Variants in PODXL observed in about 807,000 individuals in gnomAD.
PODXL encodes podocalyxin.
In PODXL, 20 loss-of-function variants were observed where a neutral mutation model predicts 48.9. The observed-to-expected ratio is 0.41, with a 90% confidence interval of 0.29 to 0.59. PODXL has a LOEUF of 0.59. Ranked by LOEUF, PODXL falls within the 20% of genes least tolerant of loss-of-function variation. PODXL has a pLI of 0.31. For missense variants in PODXL, 606 were observed against 675.1 expected (o/e 0.90, Z 1.13); for synonymous variants, 295 against 287.4 (o/e 1.03, Z -0.27).
intron 6 of PODXL, 53 bp from the exon 7 acceptor site, chr7:131,506,374 G>A (rs2116778629): frequency 1.3e-6 from 2 of 1,584,802 alleles, no homozygotes; most frequent in South Asian, 1.1e-5. Flanking sequence ...GAGGCAGTGG[G>A]GGACGGGGAC....
At chr7:131,550,381 G>A (rs954624790) in intron 1 of PODXL, among the ~76,000 whole-genome samples, 4 of 152,184 alleles carry the variant, frequency 2.6e-5, no homozygotes, top group Admixed American at 1.3e-4. Flanking sequence ...TTTTCGCCAG[G>A]CATGATGGCT....
intron 1 of PODXL, among the ~76,000 whole-genome samples, chr7:131,529,961 G>A (rs957446888): frequency 9.3e-5 from 4 of 42,808 alleles, no homozygotes; most frequent in African/African-American, 1.6e-4. Flanking sequence ...GGGAGGGCTT[G>A]CGCTGGGCCT....
chr7:131,524,389 G>C lies in PODXL; in HGVS notation c.101-12956C>G, dbSNP rs1022729615. 1.7e-3 allele frequency among the ~76,000 whole-genome samples: 232 copies of C among 137,412 alleles called. 2 individuals carry two copies. Among genetic ancestry groups the C allele is most frequent in the Admixed American group, 6.3e-3 (90 of 14,212 alleles). 90.1% of individuals were successfully genotyped at this position (137,412 alleles called of 152,430 possible). ...ACACACACACACACACAGAGAGAGA[G>C]AGAGAGAGAGAGAGAGAGAAAACAA... is the stretch of plus-strand genomic sequence containing the variant. On this transcript the variant is annotated intron_variant, in intron 1 of 8. Coordinates refer to ENST00000378555, the MANE Select transcript of PODXL (RefSeq NM_001018111.3).
Position 131,516,930 on chromosome 7 carries a change from G to C in PODXL, c.101-5497C>G, listed in dbSNP as rs534051584. Among the ~76,000 whole-genome samples the C allele has an allele frequency of 3.3e-5, 5 of 152,056 alleles. No homozygotes were observed. The South Asian group carries it at 1.0e-3, about 32-fold the overall frequency. ...AAACAGGATCTCCCTATGTTGCCCA[G>C]GCTGGTCTCGAACTCCTGTGCTCAA... On this transcript the variant is annotated intron_variant, in intron 1 of 8. Transcript: ENST00000378555.
chr7:131,502,538 G>C lies in PODXL; in HGVS notation c.*1773C>G, dbSNP rs80048734. On this transcript the variant is annotated 3_prime_UTR_variant, in exon 9 of 9. Transcript: ENST00000378555. The stretch of plus-strand genomic sequence containing the variant: ...ACCCTTTTAAAAAGTAAGCCATCCC[G>C]AGTGGATAGCCTATTTCATCAGAGC... 1 of 152,086 alleles carries C rather than the reference G, an allele frequency of 6.6e-6. No homozygotes were observed. The highest frequency in any genetic ancestry group is 2.4e-5 in the African/African-American group (1 of 41,342). 9.4% of individuals were successfully genotyped at this position (152,086 alleles called of 1,614,324 possible).
intron 1 of PODXL, among the ~76,000 whole-genome samples, chr7:131,545,983 G>C (rs1397871496): frequency 6.6e-6 from 1 of 152,262 alleles, no homozygotes; most frequent in Non-Finnish European, 1.5e-5. Context: ...AGGCAGATCT[G>C]TGAGTACTTC....
intron 1 of PODXL, among the ~76,000 whole-genome samples, chr7:131,538,583 A>G (rs993984540): frequency 4.6e-5 from 7 of 152,110 alleles, no homozygotes; most frequent in Admixed American, 1.3e-4. Flanking sequence ...CATGACTATA[A>G]TTCTGTGGCT....
At position 131,540,517 on chromosome 7, in the gene PODXL, G is replaced by A. The variant is rs552755725; in HGVS notation, c.100+15743C>T. 5.3e-5 allele frequency among the ~76,000 whole-genome samples: 8 copies of A among 151,624 alleles called. No homozygotes were observed. In the East Asian group the frequency reaches 5.8e-4, roughly 11 times the overall value. ...TGCACCGACCCGCACCCTTCGCACC[G>A]ACCCTCACCCTTCTCAACTGGCCCT... On this transcript the variant is annotated intron_variant, in intron 1 of 8. Transcript: ENST00000378555.
rs199529657 is a variant in PODXL, at chr7:131,506,291, C to T, written c.1280G>A (p.Arg427Gln). 453 of 1,614,202 alleles carry T rather than the reference C, an allele frequency of 2.8e-4. No homozygotes were observed. Among genetic ancestry groups the T allele is most frequent in the Admixed American group, 1.2e-3 (75 of 60,020 alleles). ...TAGTTCATCCCATTTGTCCTTCAGC[C>T]GCTCGTACACATCCTTGGCAGGGAG... ...TKLPAKDVYE[R>Q]LKDKWDELKE... Residue 427 changes from arginine to glutamine, a missense_variant, in exon 7 of 9, where the codon CGG (arginine) becomes CAG (glutamine). Transcript: ENST00000378555.
At chr7:131,534,541 G>A (rs1798338795) in intron 1 of PODXL, among the ~76,000 whole-genome samples, 1 of 152,192 alleles carries the variant, frequency 6.6e-6, no homozygotes, top group Admixed American at 6.5e-5. Flanking sequence ...GTAGGCAGTA[G>A]GGTGGGGTGG....
intron 1 of PODXL, among the ~76,000 whole-genome samples, chr7:131,537,630 G>A (rs183711418): frequency 1.6e-5 from 2 of 123,756 alleles, no homozygotes; most frequent in East Asian, 4.7e-4. Context: ...CATATCACAA[G>A]TGTACAGCTT....
At chr7:131,524,408 A>AGAGAGAGAGAGAGAGAGAGAGAG (rs367857912) in intron 1 of PODXL, among the ~76,000 whole-genome samples, 38 of 149,660 alleles carry the variant, frequency 2.5e-4, no homozygotes, top group Admixed American at 4.7e-4. Flanking sequence ...AGAGAGAGAG[A>AGAGAGAGAGAGAGAGAGAGAGAG]AAACAACAAG....
At chr7:131,532,453 T>TAAA (rs1562913043) in intron 1 of PODXL, among the ~76,000 whole-genome samples, 25 of 131,116 alleles carry the variant, frequency 1.9e-4, no homozygotes, top group African/African-American at 4.8e-4. Context: ...AAAAAAAAAT[T>TAAA]AAAAATAAAT....
rs975948614 is a variant in PODXL, at chr7:131,501,331, A to G, written c.*2980T>C. On this transcript the variant is annotated 3_prime_UTR_variant, in exon 9 of 9. Coordinates refer to ENST00000378555, the MANE Select transcript of PODXL (RefSeq NM_001018111.3). ...CAGTGCAGGGTAGGTTAACATGGTC[A>G]CTGTATTTACATTATCAAAAAAATA... The G allele has an allele frequency of 1.3e-5, 2 of 152,614 alleles. No individual in the cohort carries two copies. The highest frequency in any genetic ancestry group is 4.8e-5 in the African/African-American group (2 of 41,436). 9.5% of individuals were successfully genotyped at this position (152,614 alleles called of 1,614,324 possible).
At position 131,504,075 on chromosome 7, in the gene PODXL, T is replaced by G; in HGVS notation, c.*236A>C. 1.8e-6 allele frequency: 1 copy of G among 563,756 alleles called. No individual in the cohort carries two copies. The highest frequency in any genetic ancestry group is 3.2e-6 in the Non-Finnish European group (1 of 315,722). 34.9% of individuals were successfully genotyped at this position (563,756 alleles called of 1,614,324 possible). ...TTACGTGGCTTTTTCTTGATCTCCC[T>G]CATCATCCAGCAGCACTGAGCTCAG... On this transcript the variant is annotated 3_prime_UTR_variant, in exon 9 of 9. Transcript: ENST00000378555.
chr7:131,511,648 G>T (rs1290766435), intron 1 of PODXL, among the ~76,000 whole-genome samples: 1 of 151,906 alleles, frequency 6.6e-6, no homozygotes, highest in African/African-American at 2.4e-5. Flanking sequence ...GGAGAATGGG[G>T]TCTTGCTATA....
Position 131,504,258 on chromosome 7 carries a change from G to C in PODXL, c.*53C>G, listed in dbSNP as rs985898366. The C allele has an allele frequency of 1.4e-6, 2 of 1,476,512 alleles. No homozygotes were observed. Among genetic ancestry groups the C allele is most frequent in the South Asian group, 1.2e-5 (1 of 86,688 alleles). The allele number at this position is 1,476,512 out of a possible 1,614,324, so 91.5% of individuals were successfully genotyped here. A position where few individuals can be genotyped will look rare whatever the true frequency, so the allele number is the denominator to read the frequency against. On this transcript the variant is annotated 3_prime_UTR_variant, in exon 9 of 9. Transcript: ENST00000378555. ...CCCTTCCCCATCCAAACGGCACTTG[G>C]GGTGGTTGGTCTGGAGCTCTGTGGT...
At chr7:131,514,306 C>G (rs1016696480) in intron 1 of PODXL, among the ~76,000 whole-genome samples, 1 of 151,996 alleles carries the variant, frequency 6.6e-6, no homozygotes, top group Non-Finnish European at 1.5e-5. Flanking sequence ...CCTAGCTACT[C>G]AGGAGGCTGA....
chr7:131,549,775 T>C (rs988903171), intron 1 of PODXL, among the ~76,000 whole-genome samples: 1 of 152,198 alleles, frequency 6.6e-6, no homozygotes, highest in African/African-American at 2.4e-5. Context: ...CTTCTGGCCA[T>C]GACAATTGGT....
Sources: gnomAD v4.1 joint callset for allele counts (sites outside exome capture counted in the v4.1 genomes callset) on GRCh38, gnomAD v4.1.1 for gene constraint, MANE v1.5 for transcripts, NCBI Gene and HGNC (gene_info 2026-07-23, HGNC 2026-07-21) for gene names.